Variants in TAB2 observed in about 807,000 individuals in gnomAD.
TAB2 encodes TGF-beta-activated kinase 1 and MAP3K7-binding protein 2.
A neutral mutation model predicts 65.0 loss-of-function variants in TAB2; 3 were observed. The observed-to-expected ratio is 0.05, with a 90% CI of 0.02 to 0.12. The LOEUF is 0.12. TAB2 is among the 10% of genes least tolerant of loss of function. The pLI is 1.00. For synonymous variants in TAB2, 298 were observed against 285.1 expected, an observed-to-expected ratio of 1.05 and a Z score of -0.46; for missense variants, 623 against 840.3, an observed-to-expected ratio of 0.74 and a Z score of 3.20.
intron 6 of TAB2, chr6:149,400,382 G>A (rs200269880): frequency 1.4e-5 from 22 of 1,613,246 alleles, no homozygotes; most frequent in South Asian, 3.3e-5. Context: ...AGGAGACTCC[G>A]GTGTTCACCA....
chr6:149,302,776 TC>T (rs1401290847), intron 1 of TAB2, among the ~76,000 whole-genome samples: 1 of 152,202 alleles, frequency 6.6e-6, no homozygotes, highest in Non-Finnish European at 1.5e-5. Flanking sequence ...CTCCCCACTT[TC>T]TTTCACAGAT....
intron 1 of TAB2, among the ~76,000 whole-genome samples, chr6:149,338,986 C>T (rs558314488): frequency 2.0e-5 from 3 of 152,334 alleles, no homozygotes; most frequent in East Asian, 3.9e-4. Flanking sequence ...AGTGCTGTAG[C>T]AAGCAGTCCG....
intron 1 of TAB2, among the ~76,000 whole-genome samples, chr6:149,222,664 C>T (rs1466002753): frequency 6.6e-6 from 1 of 151,512 alleles, no homozygotes; most frequent in African/African-American, 2.4e-5. Flanking sequence ...CTATATGTGC[C>T]ATTGGTTCTG....
intron 1 of TAB2, among the ~76,000 whole-genome samples, chr6:149,344,096 T>C (rs766752590): frequency 6.6e-6 from 1 of 152,194 alleles, no homozygotes; most frequent in Admixed American, 6.5e-5. Context: ...TGCCACATTA[T>C]TTGTTTGGTG....
At chr6:149,373,558 T>C (rs1357013478) in intron 2 of TAB2, among the ~76,000 whole-genome samples, 1 of 152,212 alleles carries the variant, frequency 6.6e-6, no homozygotes, top group Admixed American at 6.5e-5. Context: ...GAATGCTCAG[T>C]AAATGTTGGT....
chr6:149,324,039 G>A (rs1779528769), intron 1 of TAB2, among the ~76,000 whole-genome samples: 1 of 152,112 alleles, frequency 6.6e-6, no homozygotes, highest in Non-Finnish European at 1.5e-5. Flanking sequence ...ACAAGTACAA[G>A]AGACAAGAGC....
At chr6:149,256,192 AAAATGACAATACAATAATTCATCTT>A (rs1389920308) in intron 1 of TAB2, among the ~76,000 whole-genome samples, 5 of 152,268 alleles carry the variant, frequency 3.3e-5, no homozygotes, top group Non-Finnish European at 7.3e-5. Context: ...TTTTCATTGC[AAAATGACAATACAATAATTCATCTT>A]AAAATATTAT....
At chr6:149,403,263 T>TAC (rs1447839341) in intron 6 of TAB2, among the ~76,000 whole-genome samples, 1 of 43,634 alleles carries the variant, frequency 2.3e-5, no homozygotes, top group African/African-American at 1.3e-4. Flanking sequence ...TATATATATA[T>TAC]ATATATATAT....
At chr6:149,299,495 C>T (rs62428487) in intron 1 of TAB2, among the ~76,000 whole-genome samples, 1 of 152,096 alleles carries the variant, frequency 6.6e-6, no homozygotes, top group African/African-American at 2.4e-5. Flanking sequence ...TCACTTGAAC[C>T]CAGGAGGGGG....
At chr6:149,237,057 C>T (rs541649248) in intron 1 of TAB2, among the ~76,000 whole-genome samples, 4 of 152,284 alleles carry the variant, frequency 2.6e-5, no homozygotes, top group East Asian at 3.9e-4. Context: ...CGATCCCCTC[C>T]GTGGATCGTG....
At chr6:149,302,125 A>T (rs491576) in intron 1 of TAB2, among the ~76,000 whole-genome samples, 1 of 151,934 alleles carries the variant, frequency 6.6e-6, no homozygotes, top group Non-Finnish European at 1.5e-5. Flanking sequence ...AAATATGTCC[A>T]AGATAGACTA....
chr6:149,261,506 A>G (rs1428308605), intron 1 of TAB2, among the ~76,000 whole-genome samples: 1 of 152,242 alleles, frequency 6.6e-6, no homozygotes, highest in Non-Finnish European at 1.5e-5. Context: ...TATTAAACAG[A>G]AAAACAAACT....
chr6:149,291,118 C>T (rs1778768772), intron 1 of TAB2, among the ~76,000 whole-genome samples: 1 of 152,150 alleles, frequency 6.6e-6, no homozygotes, highest in Non-Finnish European at 1.5e-5. Context: ...CAAACACAAG[C>T]CCTGAGTTCC....
In TAB2 at chr6:149,339,922, C is replaced by T. The variant is rs1165728841; in HGVS notation, c.-90+21907C>T. Among the ~76,000 whole-genome samples the T allele has an allele frequency of 2.0e-5, 3 of 152,232 alleles. No homozygotes were observed. In the East Asian group the frequency reaches 5.8e-4, roughly 29 times the overall value. On this transcript the variant is annotated intron_variant, in intron 1 of 6. Coordinates refer to ENST00000637181, the MANE Select transcript of TAB2 (RefSeq NM_001292034.3). The stretch of plus-strand genomic sequence containing the variant: ...TACTCTTGAAATTTGTTTAATTGCT[C>T]TGTTCATATTTACTGTATATAAATG...
intron 3 of TAB2, among the ~76,000 whole-genome samples, 186 bp from the exon 4 acceptor site, chr6:149,397,418 G>A (rs939633366): frequency 4.6e-5 from 7 of 150,818 alleles, no homozygotes; most frequent in Non-Finnish European, 5.9e-5. Context: ...TCCAGCCTGA[G>A]CAACAAGAGT....
intron 1 of TAB2, among the ~76,000 whole-genome samples, chr6:149,327,830 C>T (rs943759969): frequency 6.6e-6 from 1 of 152,078 alleles, no homozygotes; most frequent in Non-Finnish European, 1.5e-5. Flanking sequence ...CCACATATGG[C>T]GATTCTGCTT....
intron 1 of TAB2, among the ~76,000 whole-genome samples, chr6:149,310,111 C>T (rs762203002): frequency 6.6e-6 from 1 of 151,958 alleles, no homozygotes; most frequent in Non-Finnish European, 1.5e-5. Context: ...GATGGGCCGA[C>T]TGCTTGAGCC....
At chr6:149,232,345 AG>A (rs1777420960) in intron 1 of TAB2, among the ~76,000 whole-genome samples, 1 of 152,072 alleles carries the variant, frequency 6.6e-6, no homozygotes, top group Admixed American at 6.6e-5. Context: ...CTCCTACCTC[AG>A]CCCCCCAAGT....
chr6:149,348,960 T>A (rs1780396585), intron 1 of TAB2, among the ~76,000 whole-genome samples: 1 of 149,486 alleles, frequency 6.7e-6, no homozygotes, highest in Non-Finnish European at 1.5e-5. Flanking sequence ...AGAGCAAAAC[T>A]CCATCTCAAA....
Sources: gnomAD v4.1 joint callset for allele counts (sites outside exome capture counted in the v4.1 genomes callset) on GRCh38, gnomAD v4.1.1 for gene constraint, MANE v1.5 for transcripts, NCBI Gene and HGNC (gene_info 2026-07-23, HGNC 2026-07-21) for gene names.